SLC27A2: variants seen among roughly 807,000 people sequenced by gnomAD.
SLC27A2 encodes the protein long-chain fatty acid transport protein 2.
A neutral mutation model predicts 60.0 loss-of-function variants in SLC27A2; 54 were observed. That is an observed-to-expected ratio of 0.90 (90% CI 0.72 to 1.13). The LOEUF (loss-of-function observed/expected upper bound fraction) is 1.13, where lower values mean the gene tolerates loss of function less well. SLC27A2 is among the 50% of genes most tolerant of loss of function. SLC27A2 has a pLI of 0.00. For missense variants in SLC27A2, 739 were observed against 777.6 expected (o/e 0.95, Z 0.59); for synonymous variants, 297 against 297.6 (o/e 1.00, Z 0.02).
At chr15:50,226,824 T>C (rs981828200) in intron 6 of SLC27A2, among the ~76,000 whole-genome samples, 156 bp from the exon 7 acceptor site, 3 of 152,224 alleles carry the variant, frequency 2.0e-5, no homozygotes, top group Non-Finnish European at 1.5e-5. Context: ...CTGTAATATA[T>C]ATGTACATAT....
At chr15:50,189,715 T>A (rs1300130440) in intron 1 of SLC27A2, among the ~76,000 whole-genome samples, 1 of 152,202 alleles carries the variant, frequency 6.6e-6, no homozygotes, top group Non-Finnish European at 1.5e-5. Context: ...AGAGTTCAGA[T>A]TATTCTATAT....
chr15:50,182,701 G>C lies in SLC27A2; in HGVS notation c.274G>C (p.Ala92Pro), dbSNP rs763946572. Residue 92 changes from alanine to proline, a missense_variant, in exon 1 of 10, where the codon GCC becomes CCC. Transcript: ENST00000267842. Reference sequence around the variant, plus strand: ...GGTGGACCGGCGCAGCAATCAAGTGGCCCGGGCGCTGCACGACCACCTCGG... The same window carrying C: ...GGTGGACCGGCGCAGCAATCAAGTGCCCCGGGCGCTGCACGACCACCTCGG... The part of the protein sequence containing the change: ...AQVDRRSNQV[A>P]RALHDHLGLR... 4 of 1,613,786 alleles carry C rather than the reference G, an allele frequency of 2.5e-6. No homozygotes were observed. The highest frequency in any genetic ancestry group is 3.4e-6 in the Non-Finnish European group (4 of 1,179,930).
intron 5 of SLC27A2, 107 bp downstream of exon 5, chr15:50,223,266 C>A: frequency 1.4e-6 from 1 of 737,774 alleles, no homozygotes; most frequent in Non-Finnish European, 2.1e-6. Context: ...AGCATCAGAG[C>A]CATGGCCCAT....
intron 1 of SLC27A2, among the ~76,000 whole-genome samples, chr15:50,193,754 T>C (rs546407506): frequency 6.6e-6 from 1 of 152,348 alleles, no homozygotes; most frequent in South Asian, 2.1e-4. Context: ...CAAAATTTTT[T>C]CAATTATAAA....
intron 8 of SLC27A2, among the ~76,000 whole-genome samples, chr15:50,231,588 C>A (rs1006186967): frequency 1.3e-5 from 2 of 152,160 alleles, no homozygotes; most frequent in South Asian, 4.1e-4. Context: ...ATCATCAGAA[C>A]CATCTGGGAA....
rs2045330738 is a variant in SLC27A2 at position 50,233,720 on chromosome 15, T to A, written c.1556-148T>A. On this transcript the variant is annotated intron_variant, in intron 8 of 9. Coordinates refer to ENST00000267842, the MANE Select transcript of SLC27A2 (RefSeq NM_003645.4). Reference sequence around the variant, plus strand: ...GCTATTAGTATTAGTACAATCACTTTACAGTATCTTCATGTATTTTTAATA... The same window carrying A: ...GCTATTAGTATTAGTACAATCACTTAACAGTATCTTCATGTATTTTTAATA... The A allele has an allele frequency of 4.5e-6, 3 of 659,532 alleles. No homozygotes were observed. The Admixed American group carries it at 8.9e-5, about 20-fold the overall frequency. The allele number at this position is 659,532 out of a possible 1,614,324, so 40.9% of individuals were successfully genotyped here.
chr15:50,215,381 C>A (rs891498983), intron 4 of SLC27A2, among the ~76,000 whole-genome samples: 1 of 152,048 alleles, frequency 6.6e-6, no homozygotes, highest in Non-Finnish European at 1.5e-5. Context: ...TGAAAATGAC[C>A]ATACTGCCAA....
At chr15:50,221,342 G>T (rs2045240750) in intron 4 of SLC27A2, among the ~76,000 whole-genome samples, 1 of 152,102 alleles carries the variant, frequency 6.6e-6, no homozygotes, top group Non-Finnish European at 1.5e-5. Context: ...GGTCTCTCTT[G>T]ACACATTTCC....
chr15:50,224,105 C>G (rs938070563), intron 5 of SLC27A2, among the ~76,000 whole-genome samples: 7 of 152,134 alleles, frequency 4.6e-5, no homozygotes, highest in Non-Finnish European at 1.5e-5. Context: ...AAATATTGAA[C>G]CCAGTGCCTA....
At position 50,202,488 on chromosome 15, in the gene SLC27A2, T is replaced by A. The variant is rs750154642; in HGVS notation, c.690T>A (p.Gly230=). ...ALYIYTSGTT[G]LPKAAMITHQ... ...GCCTTCTCTTGTATATTTACAAAGG[T>A]CTTCCAAAAGCAGCCATGATCACTC... The change falls in exon 3 of 10, where the codon GGT becomes GGA. Residue 230 remains glycine (G), a splice_region_variant and synonymous_variant. Transcript: ENST00000267842. 6.2e-7 allele frequency: 1 copy of A among 1,614,134 alleles called. No individual in the cohort carries two copies. The highest frequency in any genetic ancestry group is 8.5e-7 in the Non-Finnish European group (1 of 1,179,998).
Position 50,224,876 on chromosome 15 carries a change from A to G in SLC27A2, c.1168-1112A>G, listed in dbSNP as rs2045268676. On this transcript the variant is annotated intron_variant, in intron 5 of 9. Transcript: ENST00000267842. ...CAGTGCTGCTGCAGACTGAGAATCG[A>G]TCTCCTACACCCCACTGGAACTGCT... Among the ~76,000 whole-genome samples the G allele has an allele frequency of 2.0e-5, 3 of 152,154 alleles. No homozygotes were observed. The South Asian group carries it at 6.2e-4, about 32-fold the overall frequency.
Position 50,234,013 on chromosome 15 carries a change from T to C in SLC27A2, c.1686+15T>C, listed in dbSNP as rs778441898. 6.3e-7 allele frequency: 1 copy of C among 1,595,382 alleles called. No homozygotes were observed. The highest frequency in any genetic ancestry group is 1.1e-5 in the South Asian group (1 of 89,398). On this transcript the variant is annotated intron_variant, in intron 9 of 9. Coordinates refer to ENST00000267842, the MANE Select transcript of SLC27A2 (RefSeq NM_003645.4). ...TAAGAATACAGGTGAGATCTCTTAT[T>C]ATCCAGTTCAATGATCTGTCCTCTT... is the stretch of plus-strand genomic sequence containing the variant.
At position 50,182,395 on chromosome 15, in the gene SLC27A2, G is replaced by A. The variant is rs772262755; in HGVS notation, c.-33G>A. 7.7e-6 allele frequency: 12 copies of A among 1,549,350 alleles called. No homozygotes were observed. Among genetic ancestry groups the A allele is most frequent in the Non-Finnish European group, 7.9e-6 (9 of 1,145,660 alleles). On this transcript the variant is annotated 5_prime_UTR_variant, in exon 1 of 10. Transcript: ENST00000267842. ...GCTGCACGCCCGGGGTGAACCCTCT[G>A]CCCTCGCTGGGACAGAGGGCCCCGC... is the stretch of plus-strand genomic sequence containing the variant.
chr15:50,192,571 G>T (rs761074305), intron 1 of SLC27A2, among the ~76,000 whole-genome samples: 9 of 150,902 alleles, frequency 6.0e-5, no homozygotes, highest in Non-Finnish European at 1.0e-4. Flanking sequence ...TTGAGACAGG[G>T]TCCCACTCTG....
In SLC27A2 at chr15:50,227,572, G is replaced by A. The variant is rs185396037; in HGVS notation, c.1457+394G>A. Among the ~76,000 whole-genome samples, 509 of 152,312 alleles carry A rather than the reference G, an allele frequency of 3.3e-3. 2 individuals are homozygous for A. Among genetic ancestry groups the A allele is most frequent in the Non-Finnish European group, 5.6e-3 (381 of 68,036 alleles). The stretch of plus-strand genomic sequence containing the variant: ...GTGGAGCTGATCTAGTTGAAGAGGA[G>A]GTGAGGGGTTCGGAGCCCCTTCCCC... On this transcript the variant is annotated intron_variant, in intron 7 of 9. Coordinates refer to ENST00000267842, the MANE Select transcript of SLC27A2 (RefSeq NM_003645.4).
At chr15:50,195,923 C>T (rs1435871007) in intron 1 of SLC27A2, among the ~76,000 whole-genome samples, 10 of 148,786 alleles carry the variant, frequency 6.7e-5, no homozygotes, top group Non-Finnish European at 1.2e-4. Flanking sequence ...GGCATGGTGG[C>T]GGGCGCCTGT....
At position 50,182,549 on chromosome 15, in the gene SLC27A2, G is replaced by C. The variant is rs751153417; in HGVS notation, c.122G>C (p.Arg41Pro). Residue 41 changes from arginine (R) to proline (P), a missense_variant, in exon 1 of 10, where the codon CGG (arginine) becomes CCG (proline). Transcript: ENST00000267842. ...GYFLKVAAVG[R>P]RVRSYGKRRP... is the part of the protein sequence containing the mutation. ...TTCTTGAAGGTGGCCGCCGTGGGCC[G>C]GAGGGTGCGCAGCTACGGGAAGCGG... 1 of 1,613,036 alleles carries C rather than the reference G, an allele frequency of 6.2e-7. No individual in the cohort carries two copies. The highest frequency in any genetic ancestry group is 8.5e-7 in the Non-Finnish European group (1 of 1,179,486).
rs369751402 is a variant in SLC27A2 at position 50,197,674 on chromosome 15, C to T, written c.653C>T (p.Thr218Ile). The T allele has an allele frequency of 1.2e-6, 2 of 1,613,918 alleles. No individual in the cohort carries two copies. Among genetic ancestry groups the T allele is most frequent in the Admixed American group, 1.7e-5 (1 of 60,028 alleles). The change falls in exon 2 of 10, where the codon ACT becomes ATT. Residue 218 changes from threonine to isoleucine, a missense_variant. Physicochemically the swap from Thr to Ile is moderately conservative, Grantham distance 89. Transcript: ENST00000267842. ...ESWRSEVTFS[T>I]PALYIYTSGT... ...TGGAGGTCTGAAGTCACTTTTTCCA[C>T]TCCTGCCTTATACATTTATACTTCT...
intron 4 of SLC27A2, among the ~76,000 whole-genome samples, chr15:50,217,746 A>G (rs1243095542): frequency 6.6e-6 from 1 of 152,124 alleles, no homozygotes; most frequent in Non-Finnish European, 1.5e-5. Context: ...ATCAAAAGAA[A>G]AGAAGCATCA....
Sources: allele counts gnomAD v4.1 joint callset (sites outside exome capture counted in the v4.1 genomes callset), GRCh38; gene constraint gnomAD v4.1.1; transcripts MANE v1.5; gene names NCBI Gene and HGNC (gene_info 2026-07-23, HGNC 2026-07-21).